TNIK: variants seen among roughly 807,000 people sequenced by gnomAD.
TNIK encodes the protein TRAF2 and NCK-interacting protein kinase.
TNIK carries 49 observed loss-of-function variants against 191.3 expected under a neutral mutation model. The observed-to-expected ratio is 0.26, with a 90% CI of 0.20 to 0.32. TNIK has a LOEUF of 0.32. TNIK is among the 10% of genes least tolerant of loss of function. The pLI, the probability that TNIK is intolerant of heterozygous loss-of-function variation, is 1.00. For synonymous variants in TNIK, 594 were observed against 600.9 expected (o/e 0.99, Z 0.17); for missense variants, 1,155 against 1,702.3 (o/e 0.68, Z 5.66).
intron 2 of TNIK, among the ~76,000 whole-genome samples, chr3:171,355,286 G>C (rs1292968950): frequency 6.6e-6 from 1 of 152,200 alleles, no homozygotes; most frequent in Non-Finnish European, 1.5e-5. Flanking sequence ...TTCATATGGA[G>C]CAGGAGGGAG....
chr3:171,104,147 A>G, intron 21 of TNIK, among the ~76,000 whole-genome samples: 1 of 152,098 alleles, frequency 6.6e-6, no homozygotes, highest in Non-Finnish European at 1.5e-5. Context: ...AAAATAATGA[A>G]TAATTCCAAA....
chr3:171,083,803 A>G (rs1024783088), intron 26 of TNIK, among the ~76,000 whole-genome samples: 4 of 152,154 alleles, frequency 2.6e-5, no homozygotes, highest in Non-Finnish European at 4.4e-5. Flanking sequence ...GGTATATCAC[A>G]AAGTGCCAGA....
At chr3:171,328,013 T>C (rs1234801568) in intron 2 of TNIK, among the ~76,000 whole-genome samples, 2 of 151,532 alleles carry the variant, frequency 1.3e-5, no homozygotes, top group African/African-American at 4.8e-5. Flanking sequence ...AGGCCACTTC[T>C]TAGACAAACT....
intron 1 of TNIK, among the ~76,000 whole-genome samples, chr3:171,416,789 A>G (rs1261719656): frequency 6.6e-6 from 1 of 152,200 alleles, no homozygotes; most frequent in Admixed American, 6.5e-5. Flanking sequence ...ATGATTATGA[A>G]AACTATATTT....
chr3:171,198,681 A>G (rs1739023904), intron 4 of TNIK, among the ~76,000 whole-genome samples: 1 of 152,184 alleles, frequency 6.6e-6, no homozygotes, highest in Admixed American at 6.5e-5. Flanking sequence ...TTTTGGGTGC[A>G]TAGGTGTTCA....
rs1715715856 is a variant in TNIK at position 171,366,317 on chromosome 3, A to G, written c.123+3303T>C. 6.6e-6 allele frequency among the ~76,000 whole-genome samples: 1 copy of G among 152,220 alleles called. No individual in the cohort carries two copies. The highest frequency in any genetic ancestry group is 1.5e-5 in the Non-Finnish European group (1 of 68,038). On this transcript the variant is annotated intron_variant, in intron 2 of 32. Coordinates refer to ENST00000436636, the MANE Select transcript of TNIK (RefSeq NM_015028.4). The surrounding 1 kb of genome is among the most constrained non-coding windows in gnomAD (Gnocchi z 4.1). ...CTTGATTAGATGGGACTAAAATGCT[A>G]AAGATAAACAAATCTAACCTTGCCC... is the stretch of plus-strand genomic sequence containing the variant.
At chr3:171,327,929 A>G (rs1437562125) in intron 2 of TNIK, among the ~76,000 whole-genome samples, 2 of 130,118 alleles carry the variant, frequency 1.5e-5, no homozygotes, top group African/African-American at 6.3e-5. Flanking sequence ...AAAAAAAAAA[A>G]AATCACTTGT....
At chr3:171,240,137 ATTC>A (rs938948630) in intron 2 of TNIK, among the ~76,000 whole-genome samples, 12 of 152,144 alleles carry the variant, frequency 7.9e-5, no homozygotes, top group African/African-American at 2.2e-4. Context: ...CTCCAGTGAA[ATTC>A]TTCTTTCCAC....
intron 1 of TNIK, among the ~76,000 whole-genome samples, chr3:171,373,438 A>G (rs570185294): frequency 6.6e-6 from 1 of 152,238 alleles, no homozygotes; most frequent in East Asian, 1.9e-4. Context: ...CTAAGTGTCA[A>G]TGATCTTATC....
At chr3:171,337,323 G>C (rs116506733) in intron 2 of TNIK, among the ~76,000 whole-genome samples, 3,101 of 152,308 alleles carry the variant, frequency 0.02, 104 homozygotes, top group African/African-American at 0.071. Context: ...TGTGCTTCCT[G>C]GACAGAGGAA....
intron 6 of TNIK, 50 bp from the exon 7 acceptor site, chr3:171,188,882 T>C (rs1377748119): frequency 5.7e-6 from 9 of 1,592,278 alleles, no homozygotes; most frequent in Non-Finnish European, 7.7e-6. Flanking sequence ...AGGTTTTAGA[T>C]AGCGATAAAA....
At chr3:171,153,669 C>G (rs982828924) in intron 12 of TNIK, among the ~76,000 whole-genome samples, 3 of 152,212 alleles carry the variant, frequency 2.0e-5, no homozygotes, top group Non-Finnish European at 4.4e-5. Context: ...ATTCTGTTCC[C>G]TTAGTGAAGA....
intron 15 of TNIK, 103 bp downstream of exon 15, chr3:171,138,088 T>G: frequency 6.1e-6 from 7 of 1,149,048 alleles, no homozygotes; most frequent in Non-Finnish European, 8.0e-6. Flanking sequence ...TGATGAATTG[T>G]TTTCCAACTT....
chr3:171,406,699 C>T (rs1279765956), intron 1 of TNIK, among the ~76,000 whole-genome samples: 1 of 152,192 alleles, frequency 6.6e-6, no homozygotes, highest in Non-Finnish European at 1.5e-5. Flanking sequence ...TCCCAAGTTG[C>T]TGGGATTACA....
chr3:171,115,043 C>T (rs999979), intron 18 of TNIK, among the ~76,000 whole-genome samples: 80,576 of 152,068 alleles, frequency 0.53, 21,585 homozygotes, highest in Non-Finnish European at 0.58. Context: ...TCCAAAAAAA[C>T]TTGCTCTAAA....
rs535129807 is a variant in TNIK at position 171,357,478 on chromosome 3, G to A, written c.123+12142C>T. Among the ~76,000 whole-genome samples, 433 of 151,786 alleles carry A rather than the reference G, an allele frequency of 2.9e-3. 1 individual carries two copies. The highest frequency in any genetic ancestry group is 0.01 in the African/African-American group (415 of 41,396). ...TAGTTTTTGTATTTTTAGCAGAGAC[G>A]GGGTTTTGCCATTTTGGCCAGGCTG... On this transcript the variant is annotated intron_variant, in intron 2 of 32. Coordinates refer to ENST00000436636, the MANE Select transcript of TNIK (RefSeq NM_015028.4).
intron 5 of TNIK, 58 bp downstream of exon 5, chr3:171,194,467 G>A (rs1267797250): frequency 2.1e-6 from 3 of 1,446,496 alleles, no homozygotes; most frequent in African/African-American, 2.8e-5. Flanking sequence ...TCCCTCATAA[G>A]ATATCATGTG....
At chr3:171,296,121 T>C (rs1261876936) in intron 2 of TNIK, among the ~76,000 whole-genome samples, 1 of 152,224 alleles carries the variant, frequency 6.6e-6, no homozygotes, top group African/African-American at 2.4e-5. Context: ...AGTCAACTCC[T>C]CATATTTTGT....
chr3:171,303,120 C>G (rs1162488201), intron 2 of TNIK, among the ~76,000 whole-genome samples: 2 of 152,150 alleles, frequency 1.3e-5, no homozygotes, highest in Non-Finnish European at 1.5e-5. Context: ...TTTTATCACA[C>G]ACGTAAAAAA....
Sources: gnomAD v4.1 joint callset for allele counts (sites outside exome capture counted in the v4.1 genomes callset) on GRCh38, gnomAD v4.1.1 for gene constraint, Gnocchi (gnomAD v3.1) non-coding constraint, MANE v1.5 for transcripts, NCBI Gene and HGNC (gene_info 2026-07-23, HGNC 2026-07-21) for gene names.